RASSF8: variants seen among roughly 807,000 people sequenced by gnomAD.
RASSF8 encodes the protein ras association domain-containing protein 8.
RASSF8 carries 22 observed loss-of-function variants against 48.5 expected under a neutral mutation model. That is an observed-to-expected ratio of 0.45 (90% CI 0.32 to 0.65). The LOEUF (loss-of-function observed/expected upper bound fraction) is 0.65, where lower values mean the gene tolerates loss of function less well. RASSF8 is among the 30% of genes least tolerant of loss of function. The pLI is 0.03. For synonymous variants in RASSF8, 127 were observed against 171.5 expected, an observed-to-expected ratio of 0.74 and a Z score of 2.03; for missense variants, 418 against 489.2, an observed-to-expected ratio of 0.85 and a Z score of 1.37.
At chr12:25,962,114 T>A (rs1414016685) in intron 1 of RASSF8, among the ~76,000 whole-genome samples, 2 of 152,184 alleles carry the variant, frequency 1.3e-5, no homozygotes, top group Non-Finnish European at 2.9e-5. Context: ...GGAAACACAT[T>A]TATTTATTTT....
At chr12:26,035,715 G>A (rs1318164852) in intron 2 of RASSF8, among the ~76,000 whole-genome samples, 1 of 142,022 alleles carries the variant, frequency 7.0e-6, no homozygotes, top group African/African-American at 2.6e-5. Context: ...AATGTTAACT[G>A]TGTGAAGTTC....
At chr12:26,015,469 A>G (rs535713579) in intron 2 of RASSF8, among the ~76,000 whole-genome samples, 3 of 152,306 alleles carry the variant, frequency 2.0e-5, no homozygotes, top group African/African-American at 7.2e-5. Flanking sequence ...GAGAAATAGA[A>G]AATAGTTTAT....
At chr12:25,963,648 A>G (rs1320296636) in intron 1 of RASSF8, among the ~76,000 whole-genome samples, 1 of 152,174 alleles carries the variant, frequency 6.6e-6, no homozygotes, top group Non-Finnish European at 1.5e-5. Flanking sequence ...CAAGTCCTTC[A>G]GAACGTACTC....
chr12:26,008,940 G>A (rs745875836), intron 2 of RASSF8, among the ~76,000 whole-genome samples: 7 of 152,062 alleles, frequency 4.6e-5, no homozygotes, highest in Non-Finnish European at 8.8e-5. Flanking sequence ...TGCCAAATGA[G>A]CAGATATATC....
intron 2 of RASSF8, among the ~76,000 whole-genome samples, chr12:26,012,213 A>G (rs1054874263): frequency 4.6e-5 from 7 of 152,236 alleles, no homozygotes; most frequent in Admixed American, 3.9e-4. Context: ...AAAAGCAGAA[A>G]CAATAATACC....
At chr12:26,004,619 T>G (rs148087195) in intron 2 of RASSF8, among the ~76,000 whole-genome samples, 134 of 152,254 alleles carry the variant, frequency 8.8e-4, no homozygotes, top group Non-Finnish European at 1.6e-3. Flanking sequence ...GAAAAGACAG[T>G]GTTATTAAGA....
chr12:25,969,244 C>T lies in RASSF8; in HGVS notation c.-203+10096C>T, dbSNP rs76078654. ...GCAGCCTGAGTAGCAGGCAGGAGCA[C>T]AGACTCCGGAGCTGGCTACTGCGGT... On this transcript the variant is annotated intron_variant, in intron 1 of 5. Coordinates refer to ENST00000689635, the MANE Select transcript of RASSF8 (RefSeq NM_001394098.1). Among the ~76,000 whole-genome samples, 883 of 152,218 alleles carry T rather than the reference C, an allele frequency of 5.8e-3. 6 individuals carry two copies. Among genetic ancestry groups the T allele is most frequent in the African/African-American group, 0.02 (850 of 41,502 alleles).
chr12:25,979,020 C>T (rs187445021), intron 1 of RASSF8, among the ~76,000 whole-genome samples: 15 of 152,096 alleles, frequency 9.9e-5, no homozygotes, highest in East Asian at 3.9e-4. Context: ...GAAAAAGATA[C>T]GGTAGTATGT....
intron 1 of RASSF8, among the ~76,000 whole-genome samples, chr12:25,971,879 A>G (rs978879479): frequency 1.3e-5 from 2 of 152,338 alleles, no homozygotes; most frequent in Non-Finnish European, 1.5e-5. Context: ...TGTGATTTCA[A>G]TCACGAGAGT....
At chr12:26,055,884 A>G (rs1034342360) in intron 3 of RASSF8, among the ~76,000 whole-genome samples, 1 of 152,198 alleles carries the variant, frequency 6.6e-6, no homozygotes, top group Admixed American at 6.5e-5. Context: ...GATAATGTAT[A>G]CTTTTAAAAT....
intron 1 of RASSF8, among the ~76,000 whole-genome samples, chr12:25,974,209 G>T (rs1592220668): frequency 6.6e-6 from 1 of 152,036 alleles, no homozygotes; most frequent in African/African-American, 2.4e-5. Flanking sequence ...TTTTATTTTG[G>T]CTAATATTAA....
At chr12:26,016,091 T>C (rs895707581) in intron 2 of RASSF8, among the ~76,000 whole-genome samples, 2 of 152,094 alleles carry the variant, frequency 1.3e-5, no homozygotes, top group African/African-American at 4.8e-5. Flanking sequence ...CTATAAAGAG[T>C]TTGTTTAACT....
At chr12:25,969,467 G>A (rs1233711778) in intron 1 of RASSF8, among the ~76,000 whole-genome samples, 1 of 152,162 alleles carries the variant, frequency 6.6e-6, no homozygotes, top group Non-Finnish European at 1.5e-5. Flanking sequence ...TAGTAAAATT[G>A]AAAAGGTTCA....
Position 26,065,010 on chromosome 12 carries a change from A to G in RASSF8, c.616A>G (p.Ile206Val), listed in dbSNP as rs755629253. 6.2e-7 allele frequency: 1 copy of G among 1,612,998 alleles called. No homozygotes were observed. Among genetic ancestry groups the G allele is most frequent in the Non-Finnish European group, 8.5e-7 (1 of 1,179,694 alleles). ...GTATAATTCCAACCTTGAAGAGGAAATTGTCCGTCTAGAGCAAAAGATCAA... is the reference window on the plus strand; with the variant it reads ...GTATAATTCCAACCTTGAAGAGGAAGTTGTCCGTCTAGAGCAAAAGATCAA... ...QKYNSNLEEE[I>V]VRLEQKIKRN... Residue 206 changes from isoleucine to valine, a missense_variant, in exon 4 of 6, where the codon ATT (isoleucine) becomes GTT (valine). Physicochemically the swap from Ile to Val is conservative, Grantham distance 29. Transcript: ENST00000689635.
chr12:26,035,467 T>C (rs1943120066), intron 2 of RASSF8, among the ~76,000 whole-genome samples: 1 of 128,300 alleles, frequency 7.8e-6, no homozygotes, highest in African/African-American at 3.0e-5. Flanking sequence ...ATTATATAAT[T>C]ATATTATATA....
chr12:26,007,302 G>A (rs559017442), intron 2 of RASSF8, among the ~76,000 whole-genome samples: 1 of 152,280 alleles, frequency 6.6e-6, no homozygotes, highest in African/African-American at 2.4e-5. Context: ...GGAAGTTATA[G>A]GTGTCAAAGT....
At chr12:26,063,021 C>T (rs1437056064) in intron 3 of RASSF8, among the ~76,000 whole-genome samples, 2 of 152,148 alleles carry the variant, frequency 1.3e-5, no homozygotes, top group Admixed American at 6.5e-5. Context: ...ATGTGCTCCT[C>T]ATGAATTACA....
chr12:25,993,451 A>G (rs1307417546), intron 1 of RASSF8, among the ~76,000 whole-genome samples: 1 of 152,236 alleles, frequency 6.6e-6, no homozygotes, highest in Non-Finnish European at 1.5e-5. Flanking sequence ...GCTTTACTGA[A>G]GAAAAGTTGG....
intron 3 of RASSF8, among the ~76,000 whole-genome samples, chr12:26,060,331 G>A (rs1943714176): frequency 6.6e-6 from 1 of 152,148 alleles, no homozygotes; most frequent in South Asian, 2.1e-4. Context: ...ACAACTGGCT[G>A]ACAGGTATAT....
Sources: gnomAD v4.1 joint callset for allele counts (sites outside exome capture counted in the v4.1 genomes callset) on GRCh38, gnomAD v4.1.1 for gene constraint, MANE v1.5 for transcripts, NCBI Gene and HGNC (gene_info 2026-07-23, HGNC 2026-07-21) for gene names.